The following UTY variants were observed in gnomAD, a reference collection of about 807,000 sequenced individuals.
UTY encodes the protein ubiquitously transcribed tetratricopeptide repeat containing, Y-linked, also known as histone demethylase UTY.
UTY carries 12 observed loss-of-function variants against 32.5 expected under a neutral mutation model. That is an observed-to-expected ratio of 0.37 (90% confidence interval 0.24 to 0.60). UTY has a LOEUF of 0.60. UTY is among the 20% of genes least tolerant of loss of function. The pLI, the probability that UTY is intolerant of heterozygous loss-of-function variation, is 0.69. For missense variants in UTY, 303 were observed against 299.2 expected (o/e 1.01, Z -0.09); for synonymous variants, 131 against 103.4 (o/e 1.27, Z -1.62).
chrY:13,387,239 A>C, intron 8 of UTY, among the ~76,000 whole-genome samples: 1 of 32,998 alleles, frequency 3.0e-5, no homozygotes, highest in Non-Finnish European at 7.4e-5. Context: ...TGAATAAAGG[A>C]AAACAAAAAC....
chrY:13,254,173 A>G (rs2054469377), intron 28 of UTY, among the ~76,000 whole-genome samples: 1 of 33,152 alleles, frequency 3.0e-5, no homozygotes, highest in African/African-American at 1.2e-4. Flanking sequence ...GGGAAAGCAC[A>G]TTTAGTTGAT....
At chrY:13,446,551 G>GAGAGAGAT (rs2075764520) in intron 4 of UTY, among the ~76,000 whole-genome samples, 3 of 10,388 alleles carry the variant, frequency 2.9e-4, no homozygotes, top group Non-Finnish European at 1.9e-4. Flanking sequence ...GTAACAGTGT[G>GAGAGAGAT]AGATAGATAG....
chrY:13,328,187 A>AT, intron 18 of UTY, among the ~76,000 whole-genome samples: 1 of 33,701 alleles, frequency 3.0e-5, no homozygotes. Context: ...AGACAGTGCC[A>AT]TTGCACTCCA....
chrY:13,246,648 T>A (rs1603223636), downstream of UTY, among the ~76,000 whole-genome samples: 1 of 29,362 alleles, frequency 3.4e-5, no homozygotes, highest in Admixed American at 3.1e-4. Flanking sequence ...CTTTGGGAGG[T>A]TGACACGGGT....
intron 21 of UTY, among the ~76,000 whole-genome samples, chrY:13,317,267 G>A: frequency 3.0e-5 from 1 of 33,495 alleles, no homozygotes. Flanking sequence ...TCCTCCCAAA[G>A]TGCTGGGATT....
chrY:13,307,129 C>A, intron 21 of UTY, among the ~76,000 whole-genome samples: 2 of 32,765 alleles, frequency 6.1e-5, no homozygotes, highest in Non-Finnish European at 1.5e-4. Context: ...ATTATAGTAT[C>A]ATATTTAGTT....
chrY:13,310,566 C>A (rs2058981302), intron 21 of UTY, among the ~76,000 whole-genome samples: 1 of 33,095 alleles, frequency 3.0e-5, no homozygotes, highest in Non-Finnish European at 7.4e-5. Flanking sequence ...AAATATTCTA[C>A]AAACTAGGCA....
chrY:13,245,736 G>C, downstream of UTY, among the ~76,000 whole-genome samples: 1 of 33,816 alleles, frequency 3.0e-5, no homozygotes, highest in South Asian at 6.6e-4. Context: ...GAGTGTGACA[G>C]AAGAAAGATT....
At chrY:13,276,709 G>A (rs1040434818) in intron 27 of UTY, among the ~76,000 whole-genome samples, 11 of 32,621 alleles carry the variant, frequency 3.4e-4, no homozygotes, top group African/African-American at 9.6e-4. Flanking sequence ...GCAACAGAGC[G>A]AGACTCGTCT....
chrY:13,258,333 A>T (rs2054953562), intron 28 of UTY, among the ~76,000 whole-genome samples: 2 of 33,651 alleles, frequency 5.9e-5, no homozygotes, highest in African/African-American at 2.3e-4. Flanking sequence ...TGGCCACACT[A>T]TGTTCAGCTG....
intron 3 of UTY, among the ~76,000 whole-genome samples, chrY:13,462,505 G>A (rs2077465405): frequency 3.0e-5 from 1 of 32,828 alleles, no homozygotes; most frequent in South Asian, 6.6e-4. Flanking sequence ...TACCTATTCT[G>A]AATATTTTAT....
At chrY:13,469,397 C>T (rs2078258585) in intron 3 of UTY, among the ~76,000 whole-genome samples, 2 of 31,729 alleles carry the variant, frequency 6.3e-5, no homozygotes, top group African/African-American at 2.5e-4. Flanking sequence ...TTAGTAGAGA[C>T]GAGGTTTTTC....
intron 6 of UTY, among the ~76,000 whole-genome samples, chrY:13,407,304 C>T: frequency 3.1e-5 from 1 of 32,309 alleles, no homozygotes. Flanking sequence ...AGAAAAGTCG[C>T]TCTAAAATGG....
chrY:13,323,656 T>C lies in UTY; in HGVS notation c.3175A>G (p.Thr1059Ala). 2 of 398,432 alleles carry C rather than the reference T, an allele frequency of 5.0e-6. No individual in the cohort carries two copies. The highest frequency in any genetic ancestry group is 7.1e-6 in the Non-Finnish European group (2 of 283,068). Residue 1059 changes from threonine (T) to alanine (A), a missense_variant, in exon 21 of 30, where the codon ACT (threonine) becomes GCT (alanine). Transcript: ENST00000545955. ...LQPADENWDP[T>A]GTKKIWRCES... ...CAACGCCAGATTTTCTTTGTTCCAG[T>C]GGGATCCCAGTTTTCATCTGCTGGT...
chrY:13,363,979 G>T, intron 10 of UTY, among the ~76,000 whole-genome samples: 1 of 32,999 alleles, frequency 3.0e-5, no homozygotes, highest in African/African-American at 1.2e-4. Flanking sequence ...GCAACCCAAG[G>T]TCAAATATTT....
chrY:13,305,551 C>T lies in UTY; in HGVS notation c.3417-4G>A, dbSNP rs780515287. On this transcript the variant is annotated splice_region_variant and splice_polypyrimidine_tract_variant and intron_variant, in intron 23 of 29. Coordinates refer to ENST00000545955, the MANE Select transcript of UTY (RefSeq NM_001258249.2). The stretch of plus-strand genomic sequence containing the variant: ...TTCATGTAACTGCAACTTCCACCTG[C>T]AATAAATTAACAGATTAAGAGTAAA... The T allele has an allele frequency of 2.6e-6, 1 of 383,888 alleles. No individual in the cohort carries two copies. Among genetic ancestry groups the T allele is most frequent in the Admixed American group, 8.3e-5 (1 of 12,001 alleles).
chrY:13,402,123 T>C (rs2069199487), intron 6 of UTY, among the ~76,000 whole-genome samples: 2 of 33,263 alleles, frequency 6.0e-5, no homozygotes, highest in Admixed American at 5.5e-4. Context: ...AAAATACATA[T>C]TTCAAAACAT....
At chrY:13,256,279 A>C (rs2054713895) in intron 28 of UTY, among the ~76,000 whole-genome samples, 2 of 33,847 alleles carry the variant, frequency 5.9e-5, no homozygotes, top group East Asian at 1.6e-3. Flanking sequence ...AAGGAGGCTG[A>C]GACAGAGTTA....
At chrY:13,236,937 A>T (rs999809777) in intron 28 of UTY, among the ~76,000 whole-genome samples, 1 of 33,479 alleles carries the variant, frequency 3.0e-5, no homozygotes, top group Non-Finnish European at 7.4e-5. Context: ...CTGCTAAGAA[A>T]TTTTTTTAAA....
Sources: gnomAD v4.1 joint callset for allele counts (sites outside exome capture counted in the v4.1 genomes callset) on GRCh38, gnomAD v4.1.1 for gene constraint, MANE v1.5 for transcripts, NCBI Gene and HGNC (gene_info 2026-07-23, HGNC 2026-07-21) for gene names.